CAMSAP1: variants seen among roughly 807,000 people sequenced by gnomAD.
CAMSAP1 encodes calmodulin regulated spectrin associated protein 1.
A neutral mutation model predicts 143.5 loss-of-function variants in CAMSAP1; 58 were observed. The ratio of observed to expected loss-of-function variants is 0.40; its 90% confidence interval spans 0.33 to 0.50. The LOEUF is 0.50. CAMSAP1 is among the 20% of genes least tolerant of loss of function. The pLI, the probability that CAMSAP1 is intolerant of heterozygous loss-of-function variation, is 0.45. For synonymous variants in CAMSAP1, 945 were observed against 859.3 expected, an observed-to-expected ratio of 1.10 and a Z score of -1.74; for missense variants, 1,969 against 2,115.7, an observed-to-expected ratio of 0.93 and a Z score of 1.36.
Position 135,822,896 on chromosome 9 carries a change from T to C in CAMSAP1, c.1765A>G (p.Ser589Gly). The C allele has an allele frequency of 6.2e-7, 1 of 1,613,924 alleles. No homozygotes were observed. Among genetic ancestry groups the C allele is most frequent in the Non-Finnish European group, 8.5e-7 (1 of 1,179,860 alleles). The change falls in exon 11 of 17, where the codon AGT becomes GGT. Residue 589 changes from serine to glycine, a missense_variant. Transcript: ENST00000389532. This position sits in a 1 kb window ranked among gnomAD's most constrained non-coding sequence, Gnocchi z 6.1. Reference sequence around the variant, plus strand: ...GGCATCAAAGGCTCCAAGAAAAAACTGTCAGGCTTACTTTCCGAGGTGTCC... The same window carrying C: ...GGCATCAAAGGCTCCAAGAAAAAACCGTCAGGCTTACTTTCCGAGGTGTCC... ...QLDTSESKPDSFFLEPLMPAV... is the reference protein window; with the variant it reads ...QLDTSESKPDGFFLEPLMPAV...
rs1426081235 is a variant in CAMSAP1 at position 135,821,516 on chromosome 9, G to A, written c.3145C>T (p.Leu1049=). Residue 1049 remains leucine (L), a synonymous_variant, in exon 11 of 17, where the codon CTG becomes TTG. Transcript: ENST00000389532. The surrounding 1 kb of genome is among the most constrained non-coding windows in gnomAD (Gnocchi z 4.6). ...ACTGGGACTGTGGGGGACTTCATCA[G>A]AAGCTGCTCTTGCTGCTGAGAGATT... ...LKISQQQEQL[L]MKSPTVPVPG... 1.2e-6 allele frequency: 2 copies of A among 1,614,068 alleles called. No homozygotes were observed. The highest frequency in any genetic ancestry group is 1.1e-5 in the South Asian group (1 of 91,090).
At chr9:135,842,297 A>T (rs1396538157) in intron 7 of CAMSAP1, among the ~76,000 whole-genome samples, 2 of 152,210 alleles carry the variant, frequency 1.3e-5, no homozygotes, top group Admixed American at 6.5e-5. Flanking sequence ...ACAAGATTAG[A>T]GAAAAAAGAA....
In CAMSAP1 at chr9:135,822,115, G is replaced by A; in HGVS notation, c.2546C>T (p.Pro849Leu). Residue 849 changes from proline to leucine, a missense_variant, in exon 11 of 17, where the codon CCA (proline) becomes CTA (leucine). Around this residue, in one of 4 missense-constraint regions of CAMSAP1, gnomAD observed 1,390 missense variants for 1,420.8 expected, o/e 0.98. Transcript: ENST00000389532. The surrounding 1 kb of genome is among the most constrained non-coding windows in gnomAD (Gnocchi z 6.1). ...KTTPDASESC[P>L]APLTTWRQKR... ...CTGCCTCCACGTCGTCAGAGGGGCT[G>A]GGCAGCTCTCAGACGCATCTGGCGT... 3.1e-6 allele frequency: 5 copies of A among 1,612,644 alleles called. No individual in the cohort carries two copies. Among genetic ancestry groups the A allele is most frequent in the Non-Finnish European group, 3.4e-6 (4 of 1,179,790 alleles).
chr9:135,835,363 G>A (rs1835989020), intron 7 of CAMSAP1, among the ~76,000 whole-genome samples: 1 of 152,158 alleles, frequency 6.6e-6, no homozygotes, highest in African/African-American at 2.4e-5. Context: ...CGATTGGCGG[G>A]GAAGCAATCA....
rs916030188 is a variant in CAMSAP1, at chr9:135,906,913, G to T, written c.160+87C>A. On this transcript the variant is annotated intron_variant, in intron 1 of 16. Coordinates refer to ENST00000389532, the MANE Select transcript of CAMSAP1 (RefSeq NM_015447.4). Reference sequence around the variant, plus strand: ...GACGCGGCACAAAGGCGCGGCGCGCGGACCCCGACCCGGCCGGACCCCGGC... The same window carrying T: ...GACGCGGCACAAAGGCGCGGCGCGCTGACCCCGACCCGGCCGGACCCCGGC... 10 of 775,718 alleles carry T rather than the reference G, an allele frequency of 1.3e-5. No homozygotes were observed. In the African/African-American group the frequency reaches 1.5e-4, roughly 12 times the overall value. The allele number at this position is 775,718 out of a possible 1,614,324, so 48.1% of individuals were successfully genotyped here. A position where few individuals can be genotyped will look rare whatever the true frequency, so the allele number is the denominator to read the frequency against.
intron 5 of CAMSAP1, among the ~76,000 whole-genome samples, chr9:135,852,045 T>G (rs1206136702): frequency 1.3e-5 from 2 of 152,204 alleles, no homozygotes; most frequent in African/African-American, 4.8e-5. Context: ...TGTCCATGTC[T>G]GCCAGGCGGA....
chr9:135,886,719 C>T lies in CAMSAP1; in HGVS notation c.161-3641G>A, dbSNP rs539699395. On this transcript the variant is annotated intron_variant, in intron 1 of 16. Transcript: ENST00000389532. Reference sequence around the variant, plus strand: ...GGAGATCCCATCTGCTGGAGCTCCCCGTAAACAAGAGTGGAGAATGAGCGT... The same window carrying T: ...GGAGATCCCATCTGCTGGAGCTCCCTGTAAACAAGAGTGGAGAATGAGCGT... Among the ~76,000 whole-genome samples the T allele has an allele frequency of 2.6e-5, 4 of 152,244 alleles. No homozygotes were observed. The South Asian group carries it at 8.3e-4, about 32-fold the overall frequency.
At chr9:135,869,473 C>T (rs567752811) in intron 3 of CAMSAP1, among the ~76,000 whole-genome samples, 1 of 150,892 alleles carries the variant, frequency 6.6e-6, no homozygotes, top group South Asian at 2.1e-4. Context: ...ACTGCACTCC[C>T]GCTTGGGCAA....
intron 7 of CAMSAP1, among the ~76,000 whole-genome samples, chr9:135,831,564 C>G (rs1835863270): frequency 6.6e-6 from 1 of 151,022 alleles, no homozygotes; most frequent in African/African-American, 2.4e-5. Context: ...AACTTCACAC[C>G]TCAAAGACTA....
At position 135,866,463 on chromosome 9, in the gene CAMSAP1, T is replaced by C. The variant is rs1837382322; in HGVS notation, c.659A>G (p.His220Arg). The change falls in exon 4 of 17, where the codon CAT becomes CGT. Residue 220 changes from histidine (H) to arginine (R), a missense_variant. His to Arg is a conservative substitution (Grantham distance 29). Transcript: ENST00000389532. ...LKQQLLESPA[H>R]QKVRYRREHL... ...ATTAAATTTACCCTTTACCTTTTGATGAGCTGGACTTTCCAATAACTGTTG... is the reference window on the plus strand; with the variant it reads ...ATTAAATTTACCCTTTACCTTTTGACGAGCTGGACTTTCCAATAACTGTTG... The C allele has an allele frequency of 2.1e-6, 3 of 1,439,512 alleles. No individual in the cohort carries two copies. Among genetic ancestry groups the C allele is most frequent in the Non-Finnish European group, 2.9e-6 (3 of 1,045,204 alleles). The allele number at this position is 1,439,512 out of a possible 1,614,324, so 89.2% of individuals were successfully genotyped here.
chr9:135,881,187 T>TA (rs763949261), intron 3 of CAMSAP1, among the ~76,000 whole-genome samples: 1 of 150,868 alleles, frequency 6.6e-6, no homozygotes, highest in South Asian at 2.1e-4. Context: ...TACTAAAAAT[T>TA]AAAAAAAATA....
intron 1 of CAMSAP1, among the ~76,000 whole-genome samples, chr9:135,897,316 G>C (rs1838486157): frequency 6.6e-6 from 1 of 151,810 alleles, no homozygotes; most frequent in African/African-American, 2.4e-5. Context: ...ACCACACCCA[G>C]CTAATTCTTT....
chr9:135,864,847 G>A (rs937508363), intron 4 of CAMSAP1, among the ~76,000 whole-genome samples: 4 of 152,176 alleles, frequency 2.6e-5, no homozygotes, highest in African/African-American at 7.2e-5. Context: ...GGAGAACAGA[G>A]GAATCTGACA....
At chr9:135,896,270 G>A (rs1391773084) in intron 1 of CAMSAP1, among the ~76,000 whole-genome samples, 8 of 152,038 alleles carry the variant, frequency 5.3e-5, no homozygotes, top group Admixed American at 4.6e-4. Context: ...CATTAATAAA[G>A]TAGAAAAATT....
chr9:135,834,157 T>C (rs1006187445), intron 7 of CAMSAP1, among the ~76,000 whole-genome samples: 1 of 152,002 alleles, frequency 6.6e-6, no homozygotes, highest in Admixed American at 6.5e-5. Flanking sequence ...AAGAGATGAG[T>C]ATTGAGGAGA....
chr9:135,826,771 A>G lies in CAMSAP1; in HGVS notation c.1223+636T>C, dbSNP rs1344134536. On this transcript the variant is annotated intron_variant, in intron 8 of 16. Coordinates refer to ENST00000389532, the MANE Select transcript of CAMSAP1 (RefSeq NM_015447.4). This position sits in a 1 kb window ranked among gnomAD's most constrained non-coding sequence, Gnocchi z 4.4. ...AGCTGTGGGTCCTCCTACCACACAC[A>G]GCACAAAGCTCACTCTTACTCCAAG... Among the ~76,000 whole-genome samples, 33 of 152,196 alleles carry G rather than the reference A, an allele frequency of 2.2e-4. No individual in the cohort carries two copies. Among genetic ancestry groups the G allele is most frequent in the Non-Finnish European group, 4.4e-5 (3 of 68,040 alleles).
chr9:135,855,941 A>G (rs1436314387), intron 5 of CAMSAP1, among the ~76,000 whole-genome samples: 2 of 151,652 alleles, frequency 1.3e-5, no homozygotes, highest in East Asian at 3.9e-4. Context: ...GGTCCCAGCT[A>G]CTCGGTAGGC....
rs1314421484 is a variant in CAMSAP1 at position 135,850,339 on chromosome 9, C to T, written c.931G>A (p.Ala311Thr). 6.2e-7 allele frequency: 1 copy of T among 1,609,714 alleles called. No homozygotes were observed. Among genetic ancestry groups the T allele is most frequent in the East Asian group, 2.2e-5 (1 of 44,860 alleles). The change falls in exon 6 of 17, where the codon GCG (alanine) becomes ACG (threonine). Residue 311 changes from alanine (A) to threonine (T), a missense_variant. Transcript: ENST00000389532. ...FYLTLEDMLY[A>T]PLVLKPNVMV... ...GTTATTACCTTCAACACTAATGGCG[C>T]ATACAGCATATCTTCCAAGGTGAGA... is the stretch of plus-strand genomic sequence containing the variant.
Position 135,821,867 on chromosome 9 carries a change from G to A in CAMSAP1, c.2794C>T (p.Pro932Ser). 1 of 1,614,022 alleles carries A rather than the reference G, an allele frequency of 6.2e-7. No individual in the cohort carries two copies. The highest frequency in any genetic ancestry group is 1.1e-5 in the South Asian group (1 of 91,088). Reference protein sequence around the residue: ...GKAEAAPPLRPEHFAKEYSQH... With the variant: ...GKAEAAPPLRSEHFAKEYSQH... ...GAGTACTCCTTTGCAAAGTGCTCCG[G>A]CCTGAGGGGTGGGGCAGCCTCGGCC... Residue 932 changes from proline to serine, a missense_variant, in exon 11 of 17, where the codon CCG (proline) becomes TCG (serine). Physicochemically the swap from Pro to Ser is moderately conservative, Grantham distance 74. Coordinates refer to ENST00000389532, the MANE Select transcript of CAMSAP1 (RefSeq NM_015447.4). This position sits in a 1 kb window ranked among gnomAD's most constrained non-coding sequence, Gnocchi z 4.6.
Sources: gnomAD v4.1 joint callset for allele counts (sites outside exome capture counted in the v4.1 genomes callset) on GRCh38, gnomAD v4.1.1 for gene constraint, gnomAD v4.1.1 regional missense constraint, Gnocchi (gnomAD v3.1) non-coding constraint, MANE v1.5 for transcripts, NCBI Gene and HGNC (gene_info 2026-07-23, HGNC 2026-07-21) for gene names.